Variants in UBE2Z observed in about 807,000 individuals in gnomAD.
The protein encoded by UBE2Z is ubiquitin conjugating enzyme E2 Z.
Under a neutral mutation model 32.6 loss-of-function variants are expected in UBE2Z, and 10 were observed. That is an observed-to-expected ratio of 0.31 (90% CI 0.19 to 0.52). UBE2Z has a LOEUF of 0.52. Among genes scored for constraint, UBE2Z ranks in the 20% least tolerant of loss-of-function variants. The pLI, the probability that UBE2Z is intolerant of heterozygous loss-of-function variation, is 0.97. For synonymous variants in UBE2Z, 183 were observed against 190.8 expected (o/e 0.96, Z 0.34); for missense variants, 343 against 480.9 (o/e 0.71, Z 2.68).
chr17:48,919,609 T>G (rs2040745074), intron 4 of UBE2Z, among the ~76,000 whole-genome samples: 1 of 152,170 alleles, frequency 6.6e-6, no homozygotes, highest in African/African-American at 2.4e-5. Flanking sequence ...TCTGAGTAGC[T>G]GGGACGACAG....
intron 6 of UBE2Z, among the ~76,000 whole-genome samples, chr17:48,924,552 T>C (rs576842345): frequency 1.2e-4 from 18 of 149,692 alleles, no homozygotes; most frequent in African/African-American, 4.4e-4. Context: ...ATTGACCAAA[T>C]TGTAGATAGA....
Position 48,927,201 on chromosome 17 carries a change from G to C in UBE2Z, c.*67G>C. 3 of 1,532,342 alleles carry C rather than the reference G, an allele frequency of 2.0e-6. No homozygotes were observed. The highest frequency in any genetic ancestry group is 2.0e-4 in the Middle Eastern group (1 of 4,892). The allele number at this position is 1,532,342 out of a possible 1,614,324, so 94.9% of individuals were successfully genotyped here. ...CAGAATCCCTTCCCCCCACCCCAGG[G>C]ATGGAGAGGCACTGTGTATCTCCCT... is the stretch of plus-strand genomic sequence containing the variant. On this transcript the variant is annotated 3_prime_UTR_variant, in exon 7 of 7. Coordinates refer to ENST00000360943, the MANE Select transcript of UBE2Z (RefSeq NM_023079.5).
intron 6 of UBE2Z, among the ~76,000 whole-genome samples, chr17:48,925,759 T>G (rs1420736634): frequency 1.3e-5 from 2 of 152,026 alleles, no homozygotes; most frequent in African/African-American, 4.8e-5. Context: ...TCCATAGTAG[T>G]AAATGTGGAG....
chr17:48,913,086 A>G (rs1486328157), intron 3 of UBE2Z, 65 bp downstream of exon 3: 1 of 1,516,540 alleles, frequency 6.6e-7, no homozygotes, highest in African/African-American at 1.4e-5. Context: ...GTCAGCCTTT[A>G]TCAACCGGAG....
At chr17:48,915,833 A>G (rs1028903195) in intron 3 of UBE2Z, 5 of 426,384 alleles carry the variant, frequency 1.2e-5, no homozygotes, top group African/African-American at 8.5e-5. Flanking sequence ...AATCCCTTCA[A>G]AGTTACATAG....
chr17:48,926,474 CT>C (rs35895407), intron 6 of UBE2Z, among the ~76,000 whole-genome samples: 17,545 of 136,990 alleles, frequency 0.13, 1,969 homozygotes, highest in African/African-American at 0.34. Context: ...GTAAGAGTGT[CT>C]TTTTTTTTTT....
intron 6 of UBE2Z, among the ~76,000 whole-genome samples, chr17:48,926,474 C>CTT (rs35895407): frequency 2.2e-5 from 3 of 137,194 alleles, no homozygotes; most frequent in African/African-American, 5.6e-5. Flanking sequence ...GTAAGAGTGT[C>CTT]TTTTTTTTTT....
Position 48,908,677 on chromosome 17 carries a change from G to A in UBE2Z, c.174G>A (p.Pro58=). Residue 58 remains proline (P), a synonymous_variant, in exon 1 of 7, where the codon CCG becomes CCA. Coordinates refer to ENST00000360943, the MANE Select transcript of UBE2Z (RefSeq NM_023079.5). ...AAAAAGGAGG[P]GSGLAPLPGL... ...CGGCAGCGGGCGGGGCCGGGGGCCC[G>A]GGGAGCGGCCTGGCTCCGCTGCCCG... 2 of 1,226,844 alleles carry A rather than the reference G, an allele frequency of 1.6e-6. No homozygotes were observed. Among genetic ancestry groups the A allele is most frequent in the Non-Finnish European group, 2.0e-6 (2 of 985,156 alleles). 76.0% of individuals were successfully genotyped at this position (1,226,844 alleles called of 1,614,324 possible). A position where few individuals can be genotyped will look rare whatever the true frequency, so the allele number is the denominator to read the frequency against.
intron 5 of UBE2Z, among the ~76,000 whole-genome samples, chr17:48,922,419 C>A (rs1212407685): frequency 2.6e-5 from 4 of 152,032 alleles, no homozygotes; most frequent in Non-Finnish European, 5.9e-5. Flanking sequence ...ATGAAAAGAT[C>A]TTTGTAGAAA....
At chr17:48,923,039 A>C in intron 6 of UBE2Z, 102 bp downstream of exon 6, 1 of 1,121,472 alleles carries the variant, frequency 8.9e-7, no homozygotes, top group African/African-American at 1.6e-5. Context: ...GACACAGCTA[A>C]GCCTGGGTTC....
intron 3 of UBE2Z, 115 bp from the exon 4 acceptor site, chr17:48,915,961 A>T: frequency 1.8e-6 from 1 of 553,888 alleles, no homozygotes; most frequent in Non-Finnish European, 3.1e-6. Flanking sequence ...CCAGAGTATT[A>T]ATAGTGAAAG....
intron 1 of UBE2Z, 146 bp downstream of exon 1, chr17:48,908,966 G>T (rs1447537748): frequency 2.1e-6 from 1 of 471,658 alleles, no homozygotes; most frequent in Non-Finnish European, 3.4e-6. Flanking sequence ...TGCCAGCTCC[G>T]GGCGTCGGGA....
At position 48,927,589 on chromosome 17, in the gene UBE2Z, G is replaced by T; in HGVS notation, c.*455G>T. ...AAGCAGTCTGGGTGGTTGTCTATTT[G>T]TCTGTCTTCAGTCTTGAAGCAGGGC... On this transcript the variant is annotated 3_prime_UTR_variant, in exon 7 of 7. Transcript: ENST00000360943. 6.1e-6 allele frequency: 1 copy of T among 162,618 alleles called. No individual in the cohort carries two copies. 10.1% of individuals were successfully genotyped at this position (162,618 alleles called of 1,614,324 possible).
chr17:48,924,087 C>T (rs1242491978), intron 6 of UBE2Z, among the ~76,000 whole-genome samples: 1 of 152,178 alleles, frequency 6.6e-6, no homozygotes, highest in East Asian at 1.9e-4. Context: ...GAACTCCTCA[C>T]CTCAAGTGAT....
In UBE2Z at chr17:48,923,128, T is replaced by C. The variant is rs567018663; in HGVS notation, c.894+191T>C. The C allele has an allele frequency of 1.2e-3, 578 of 471,166 alleles. 4 individuals carry two copies. Among genetic ancestry groups the C allele is most frequent in the Non-Finnish European group, 1.9e-3 (494 of 259,352 alleles). The allele number at this position is 471,166 out of a possible 1,614,324, so 29.2% of individuals were successfully genotyped here. A position where few individuals can be genotyped will look rare whatever the true frequency, so the allele number is the denominator to read the frequency against. Reference sequence around the variant, plus strand: ...CGAGGTCGGGAAATTGAGACCATCCTGGCTAACACGGTGAAACCCCGTCTC... The same window carrying C: ...CGAGGTCGGGAAATTGAGACCATCCCGGCTAACACGGTGAAACCCCGTCTC... On this transcript the variant is annotated intron_variant, in intron 6 of 6. Transcript: ENST00000360943.
rs886981822 is a variant in UBE2Z, at chr17:48,908,791, C to T, written c.288C>T (p.Thr96=). The change falls in exon 1 of 7, where the codon ACC becomes ACT. Residue 96 remains threonine, a synonymous_variant. Coordinates refer to ENST00000360943, the MANE Select transcript of UBE2Z (RefSeq NM_023079.5). The stretch of plus-strand genomic sequence containing the variant: ...GCTCCGACTGGGACGGCGAGCGCAC[C>T]GCGCCGCAGTGTCTACTCCGGATCA... The part of the protein sequence containing the change: ...TLSSDWDGER[T]APQCLLRIKR... 3.3e-6 allele frequency: 5 copies of T among 1,507,978 alleles called. No homozygotes were observed. The highest frequency in any genetic ancestry group is 4.1e-5 in the Admixed American group (2 of 49,142). 93.4% of individuals were successfully genotyped at this position (1,507,978 alleles called of 1,614,324 possible). A position where few individuals can be genotyped will look rare whatever the true frequency, so the allele number is the denominator to read the frequency against.
intron 3 of UBE2Z, 42 bp downstream of exon 3, chr17:48,913,063 A>G: frequency 1.9e-6 from 3 of 1,593,692 alleles, no homozygotes; most frequent in South Asian, 1.1e-5. Flanking sequence ...TTGTTAGCAG[A>G]TAATTACTCT....
chr17:48,920,375 A>T (rs2040750771), intron 4 of UBE2Z, among the ~76,000 whole-genome samples: 1 of 152,190 alleles, frequency 6.6e-6, no homozygotes, highest in South Asian at 2.1e-4. Context: ...AGGCGCCTGT[A>T]ATCCCAGCTA....
intron 6 of UBE2Z, among the ~76,000 whole-genome samples, chr17:48,925,424 C>T (rs1030614481): frequency 1.3e-5 from 2 of 152,176 alleles, no homozygotes; most frequent in African/African-American, 4.8e-5. Context: ...CTTATGCCCT[C>T]CAGTGCTACT....
Sources: gnomAD v4.1 joint callset for allele counts (sites outside exome capture counted in the v4.1 genomes callset) on GRCh38, gnomAD v4.1.1 for gene constraint, MANE v1.5 for transcripts, NCBI Gene and HGNC (gene_info 2026-07-23, HGNC 2026-07-21) for gene names.